The following AKAIN1 variants were observed in gnomAD, a reference collection of about 807,000 sequenced individuals.
AKAIN1 encodes A-kinase anchor inhibitor 1, also known as A-kinase anchor protein inhibitor 1.
Under a neutral mutation model 3.7 loss-of-function variants are expected in AKAIN1, and 3 were observed. The observed-to-expected ratio is 0.82, with a 90% confidence interval of 0.37 to 2.12. The LOEUF is 2.12. Ranked by LOEUF, AKAIN1 falls within the 30% of genes most tolerant of loss-of-function variation. AKAIN1 has a pLI of 0.06. For missense variants in AKAIN1, 82 were observed against 82.7 expected, an observed-to-expected ratio of 0.99 and a Z score of 0.03; for synonymous variants, 31 against 30.8, an observed-to-expected ratio of 1.01 and a Z score of -0.02.
chr18:5,173,820 G>A lies in AKAIN1; in HGVS notation c.16+23218C>T, dbSNP rs559946060. Among the ~76,000 whole-genome samples the A allele has an allele frequency of 6.2e-4, 95 of 152,174 alleles. No individual in the cohort carries two copies. The South Asian group carries it at 0.017, about 27-fold the overall frequency. On this transcript the variant is annotated intron_variant, in intron 1 of 1. Transcript: ENST00000434239. ...CTATGGAAGTGCTTGTCTCTGGGCC[G>A]TCTTTGGCATGATCCCCCCTCGGCC...
In AKAIN1 at chr18:5,145,693, G is replaced by T. The variant is rs1198249835; in HGVS notation, c.79C>A (p.Gln27Lys). The T allele has an allele frequency of 6.4e-7, 1 of 1,551,582 alleles. No homozygotes were observed. Among genetic ancestry groups the T allele is most frequent in the Non-Finnish European group, 8.7e-7 (1 of 1,146,912 alleles). Reference protein sequence around the residue: ...KLQNASKQIVQNAILQAVQQV... With the variant: ...KLQNASKQIVKNAILQAVQQV... The stretch of plus-strand genomic sequence containing the variant: ...TGCACAGCTTGCAGGATTGCATTCT[G>T]CACAATCTGTTTGCTGGCATTCTGC... Residue 27 changes from glutamine to lysine, a missense_variant, in exon 2 of 2, where the codon CAG becomes AAG. By Grantham distance (53) the Gln-to-Lys change is moderately conservative (BLOSUM62 1). Coordinates refer to ENST00000434239, the MANE Select transcript of AKAIN1 (RefSeq NM_001145194.2).
chr18:5,195,410 C>T (rs1188473685), intron 1 of AKAIN1, among the ~76,000 whole-genome samples: 3 of 152,162 alleles, frequency 2.0e-5, no homozygotes, highest in African/African-American at 7.2e-5. Flanking sequence ...TAACATCACG[C>T]AACAACCCTA....
chr18:5,149,333 T>A (rs1037731851), intron 1 of AKAIN1, among the ~76,000 whole-genome samples: 2 of 152,196 alleles, frequency 1.3e-5, no homozygotes, highest in Non-Finnish European at 2.9e-5. Flanking sequence ...ACTTGTGTGT[T>A]AGGCTCTTGG....
chr18:5,180,288 C>T (rs549904512), intron 1 of AKAIN1, among the ~76,000 whole-genome samples: 2 of 152,250 alleles, frequency 1.3e-5, no homozygotes, highest in East Asian at 1.9e-4. Context: ...TGTTTATCCT[C>T]CATACTGCCC....
intron 1 of AKAIN1, among the ~76,000 whole-genome samples, chr18:5,182,718 C>T (rs1053953358): frequency 3.9e-5 from 6 of 152,056 alleles, no homozygotes; most frequent in African/African-American, 1.4e-4. Flanking sequence ...AACATAAATG[C>T]TTTCAAAACT....
intron 1 of AKAIN1, among the ~76,000 whole-genome samples, chr18:5,158,180 G>C (rs2071119274): frequency 6.6e-6 from 1 of 152,158 alleles, no homozygotes. Context: ...CTGTAAGTAT[G>C]GTTCAATGAG....
At chr18:5,155,320 G>A (rs557032837) in intron 1 of AKAIN1, among the ~76,000 whole-genome samples, 393 of 152,268 alleles carry the variant, frequency 2.6e-3, no homozygotes, top group Non-Finnish European at 4.6e-3. Flanking sequence ...CTGGGCTCAT[G>A]CTAACTCGGT....
Position 5,154,981 on chromosome 18 carries a change from C to T in AKAIN1, c.17-9226G>A, listed in dbSNP as rs377586004. On this transcript the variant is annotated intron_variant, in intron 1 of 1. Coordinates refer to ENST00000434239, the MANE Select transcript of AKAIN1 (RefSeq NM_001145194.2). ...TTTGTATTTTTTGTAGAGATAGTGTCTTGCCACACCACAGGGCTGGTTTCT... is the reference window on the plus strand; with the variant it reads ...TTTGTATTTTTTGTAGAGATAGTGTTTTGCCACACCACAGGGCTGGTTTCT... 5.5e-4 allele frequency among the ~76,000 whole-genome samples: 83 copies of T among 152,158 alleles called. No homozygotes were observed. The East Asian group carries it at 0.011, about 20-fold the overall frequency.
intron 1 of AKAIN1, among the ~76,000 whole-genome samples, chr18:5,179,959 C>CA (rs1276110300): frequency 6.6e-6 from 1 of 152,136 alleles, no homozygotes; most frequent in African/African-American, 2.4e-5. Flanking sequence ...CACTCACAAA[C>CA]AGAGCCCCAT....
intron 1 of AKAIN1, among the ~76,000 whole-genome samples, chr18:5,183,554 G>A (rs151056490): frequency 2.8e-3 from 425 of 151,800 alleles, no homozygotes; most frequent in African/African-American, 9.7e-3. Flanking sequence ...CTTTAAAACT[G>A]TATGCAGTTG....
chr18:5,192,036 C>T (rs1598318004), intron 1 of AKAIN1, among the ~76,000 whole-genome samples: 1 of 152,074 alleles, frequency 6.6e-6, no homozygotes, highest in Non-Finnish European at 1.5e-5. Flanking sequence ...GTGGAGTTTT[C>T]CATTTGTGGC....
chr18:5,197,515 A>AAAAAAAAAAAC, upstream of AKAIN1: 1 of 1,224,562 alleles, frequency 8.2e-7, no homozygotes, highest in Non-Finnish European at 1.0e-6. The surrounding 1 kb of genome is among the most constrained non-coding windows in gnomAD (Gnocchi z 6.9). Flanking sequence ...AAAAAAAAAA[A>AAAAAAAAAAAC]ACTCTAAGAG....
rs568205603 is a variant in AKAIN1 at position 5,191,326 on chromosome 18, C to A, written c.16+5712G>T. On this transcript the variant is annotated intron_variant, in intron 1 of 1. Coordinates refer to ENST00000434239, the MANE Select transcript of AKAIN1 (RefSeq NM_001145194.2). ...GAACATAGAAAACAGGGTCAACATGCAAAATTGAACCATACATAGTATAAA... is the reference window on the plus strand; with the variant it reads ...GAACATAGAAAACAGGGTCAACATGAAAAATTGAACCATACATAGTATAAA... 9.2e-5 allele frequency among the ~76,000 whole-genome samples: 14 copies of A among 152,208 alleles called. 1 individual carries two copies. The South Asian group carries it at 2.9e-3, about 32-fold the overall frequency.
chr18:5,194,051 C>T (rs2071335289), intron 1 of AKAIN1, among the ~76,000 whole-genome samples: 1 of 152,022 alleles, frequency 6.6e-6, no homozygotes. Flanking sequence ...AGTCTTTAGC[C>T]TAAGTCATGT....
chr18:5,145,529 AC>A lies in AKAIN1; in HGVS notation c.*32del. The A allele has an allele frequency of 6.5e-7, 1 of 1,538,470 alleles. No homozygotes were observed. The highest frequency in any genetic ancestry group is 8.8e-7 in the Non-Finnish European group (1 of 1,137,836). On this transcript the variant is annotated 3_prime_UTR_variant, in exon 2 of 2. Coordinates refer to ENST00000434239, the MANE Select transcript of AKAIN1 (RefSeq NM_001145194.2). The stretch of plus-strand genomic sequence containing the variant: ...TCCTATACTAAGAGGAAGGCTAGAA[AC>A]CAAGCACATGTCAAGAGCCAAATCC...
At chr18:5,165,599 A>C (rs947551307) in intron 1 of AKAIN1, among the ~76,000 whole-genome samples, 1 of 152,172 alleles carries the variant, frequency 6.6e-6, no homozygotes, top group African/African-American at 2.4e-5. Flanking sequence ...ATCAGATGAT[A>C]GAGAGCTTGA....
At chr18:5,182,738 G>A (rs1024782677) in intron 1 of AKAIN1, among the ~76,000 whole-genome samples, 5 of 151,982 alleles carry the variant, frequency 3.3e-5, no homozygotes, top group African/African-American at 4.8e-5. Context: ...TACAAAGCAC[G>A]GTGTGAATTT....
chr18:5,160,676 T>C (rs778480535), intron 1 of AKAIN1, among the ~76,000 whole-genome samples: 1 of 152,196 alleles, frequency 6.6e-6, no homozygotes, highest in Non-Finnish European at 1.5e-5. Context: ...TTTGAAAACT[T>C]TGCAATTTTG....
intron 1 of AKAIN1, among the ~76,000 whole-genome samples, chr18:5,162,255 C>T (rs909566208): frequency 4.6e-5 from 7 of 152,114 alleles, no homozygotes; most frequent in African/African-American, 1.4e-4. Context: ...TCTCACTCTT[C>T]TGGTCCCCTA....
Sources: allele counts gnomAD v4.1 joint callset (sites outside exome capture counted in the v4.1 genomes callset), GRCh38; gene constraint gnomAD v4.1.1; non-coding constraint Gnocchi (gnomAD v3.1); transcripts MANE v1.5; gene names NCBI Gene and HGNC (gene_info 2026-07-23, HGNC 2026-07-21).